Variants in SWT1 observed in about 807,000 individuals in gnomAD.
SWT1 encodes the protein transcriptional protein SWT1.
In SWT1, 33 loss-of-function variants were observed where a neutral mutation model predicts 107.3. The ratio of observed to expected loss-of-function variants is 0.31; its 90% CI spans 0.23 to 0.41. The LOEUF (loss-of-function observed/expected upper bound fraction) is 0.41. Ranked by LOEUF, SWT1 falls within the 10% of genes least tolerant of loss-of-function variation. SWT1 has a pLI of 1.00. For synonymous variants in SWT1, 345 were observed against 348.3 expected (o/e 0.99, Z 0.11); for missense variants, 898 against 1,028.9 (o/e 0.87, Z 1.74).
At chr1:185,287,438 G>T (rs758192616) in intron 18 of SWT1, among the ~76,000 whole-genome samples, 1 of 152,170 alleles carries the variant, frequency 6.6e-6, no homozygotes, top group Non-Finnish European at 1.5e-5. Flanking sequence ...TGGAAAAAAA[G>T]AAATAGGGAC....
At chr1:185,187,430 G>A (rs1317058765) in intron 9 of SWT1, among the ~76,000 whole-genome samples, 1 of 152,028 alleles carries the variant, frequency 6.6e-6, no homozygotes, top group African/African-American at 2.4e-5. Flanking sequence ...CCCCCAATCA[G>A]ACATTTGTTC....
intron 16 of SWT1, among the ~76,000 whole-genome samples, chr1:185,252,131 A>G (rs950717021): frequency 2.0e-5 from 3 of 152,208 alleles, no homozygotes; most frequent in African/African-American, 7.2e-5. Context: ...TTATGGCTGC[A>G]TAGTATTCCA....
At chr1:185,186,894 A>T (rs555767544) in intron 9 of SWT1, among the ~76,000 whole-genome samples, 103 of 150,438 alleles carry the variant, frequency 6.8e-4, no homozygotes, top group African/African-American at 2.5e-3. Context: ...AGCTGGGATT[A>T]CAGGTGTGCC....
intron 18 of SWT1, among the ~76,000 whole-genome samples, chr1:185,290,102 A>AAAAAAAAAGCAAAAC (rs1316072102): frequency 1.3e-5 from 2 of 149,978 alleles, no homozygotes; most frequent in Non-Finnish European, 3.0e-5. Context: ...GTCTCTACCA[A>AAAAAAAAAGCAAAAC]AAAAAAAAGC....
At chr1:185,269,168 C>T (rs1203195066) in intron 16 of SWT1, among the ~76,000 whole-genome samples, 2 of 152,110 alleles carry the variant, frequency 1.3e-5, no homozygotes, top group Admixed American at 6.5e-5. Flanking sequence ...TTTGTTTTCA[C>T]TTGGTTACCA....
intron 15 of SWT1, among the ~76,000 whole-genome samples, chr1:185,230,978 G>A (rs549978378): frequency 2.0e-5 from 3 of 152,192 alleles, no homozygotes; most frequent in South Asian, 2.1e-4. Context: ...CAAACTTCTG[G>A]CCTCAAGTGA....
chr1:185,176,896 A>G (rs1655609591), intron 5 of SWT1: 1 of 448,694 alleles, frequency 2.2e-6, no homozygotes, highest in African/African-American at 2.1e-5. Context: ...AGGCAGGAGA[A>G]TGGCGTGAAC....
In SWT1 at chr1:185,198,111, G is replaced by A. The variant is rs150064704; in HGVS notation, c.1524-4543G>A. ...TTTCCCTCTAAACACTGCTTTAGCT[G>A]TGTCCCAGAGATTCTGTAACATTGT... is the stretch of plus-strand genomic sequence containing the variant. On this transcript the variant is annotated intron_variant, in intron 10 of 18. Transcript: ENST00000367500. Among the ~76,000 whole-genome samples, 899 of 152,256 alleles carry A rather than the reference G, an allele frequency of 5.9e-3. 33 individuals are homozygous for A. The East Asian group carries it at 0.096, about 16-fold the overall frequency.
At chr1:185,278,962 A>G (rs1245745997) in intron 18 of SWT1, among the ~76,000 whole-genome samples, 2 of 152,244 alleles carry the variant, frequency 1.3e-5, no homozygotes, top group Non-Finnish European at 2.9e-5. Flanking sequence ...GTTTGAGGAT[A>G]TCAGATGTAG....
chr1:185,160,133 G>C (rs1374522301), intron 1 of SWT1, among the ~76,000 whole-genome samples: 1 of 152,214 alleles, frequency 6.6e-6, no homozygotes, highest in Non-Finnish European at 1.5e-5. Context: ...ATTTGCCAAA[G>C]TCTTGTTCAA....
intron 9 of SWT1, among the ~76,000 whole-genome samples, chr1:185,190,332 A>G (rs1571457087): frequency 6.6e-6 from 1 of 152,082 alleles, no homozygotes; most frequent in East Asian, 1.9e-4. Context: ...CATCATTATC[A>G]CTCTGAGTAC....
rs775785051 is a variant in SWT1 at position 185,184,864 on chromosome 1, C to T, written c.1362C>T (p.Asn454=). 24 of 1,545,006 alleles carry T rather than the reference C, an allele frequency of 1.6e-5. No individual in the cohort carries two copies. Among genetic ancestry groups the T allele is most frequent in the South Asian group, 4.9e-5 (4 of 81,526 alleles). Residue 454 remains asparagine (N), a synonymous_variant, in exon 9 of 19, where the codon AAC becomes AAT. Transcript: ENST00000367500. ...HKAIPAVHFI[N]DSLKNQDRKL... ...CTATACCTGCAGTTCATTTCATCAACGACAGTCTCAAAAATCAAGATAGAA... is the reference window on the plus strand; with the variant it reads ...CTATACCTGCAGTTCATTTCATCAATGACAGTCTCAAAAATCAAGATAGAA...
chr1:185,245,380 T>C (rs10911693), intron 16 of SWT1, among the ~76,000 whole-genome samples: 61,276 of 151,960 alleles, frequency 0.4, 13,565 homozygotes, highest in African/African-American at 0.59. Context: ...TCCTCAGAGA[T>C]AGTAACACAC....
intron 16 of SWT1, among the ~76,000 whole-genome samples, chr1:185,260,161 A>G (rs1267812882): frequency 6.6e-6 from 1 of 152,184 alleles, no homozygotes; most frequent in African/African-American, 2.4e-5. Flanking sequence ...AAGGGAAATC[A>G]TCCTTAAGCC....
chr1:185,265,247 G>T (rs1007205048), intron 16 of SWT1, among the ~76,000 whole-genome samples: 1 of 151,992 alleles, frequency 6.6e-6, no homozygotes, highest in African/African-American at 2.4e-5. Flanking sequence ...AATTAATTTT[G>T]CTTAAATTGT....
intron 12 of SWT1, among the ~76,000 whole-genome samples, chr1:185,206,412 C>A (rs114987850): frequency 3.3e-5 from 5 of 152,108 alleles, no homozygotes; most frequent in Admixed American, 6.6e-5. Context: ...GTTTCTGAAA[C>A]TATTAAGATT....
At chr1:185,232,913 G>A (rs182795609) in intron 16 of SWT1, among the ~76,000 whole-genome samples, 1 of 152,266 alleles carries the variant, frequency 6.6e-6, no homozygotes, top group African/African-American at 2.4e-5. Context: ...TCTGGGGTGT[G>A]CCTGGCAATG....
At chr1:185,278,341 G>A (rs1268406178) in intron 18 of SWT1, among the ~76,000 whole-genome samples, 1 of 152,152 alleles carries the variant, frequency 6.6e-6, no homozygotes, top group African/African-American at 2.4e-5. Flanking sequence ...ACACAGAGAA[G>A]GCACCATCTG....
At chr1:185,197,502 C>G (rs1657498111) in intron 10 of SWT1, among the ~76,000 whole-genome samples, 1 of 152,154 alleles carries the variant, frequency 6.6e-6, no homozygotes, top group African/African-American at 2.4e-5. Context: ...CCCTCTTTTT[C>G]TATTGTTTGT....
Sources: allele counts gnomAD v4.1 joint callset (sites outside exome capture counted in the v4.1 genomes callset), GRCh38; gene constraint gnomAD v4.1.1; transcripts MANE v1.5; gene names NCBI Gene and HGNC (gene_info 2026-07-23, HGNC 2026-07-21).